Variants in MAD1L1 observed in about 807,000 individuals in gnomAD.
MAD1L1 encodes the protein mitotic spindle assembly checkpoint protein MAD1.
A neutral mutation model predicts 96.9 loss-of-function variants in MAD1L1; 95 were observed. The observed-to-expected ratio is 0.98, with a 90% CI of 0.83 to 1.16. The LOEUF (loss-of-function observed/expected upper bound fraction) is 1.16, where lower values mean the gene tolerates loss of function less well. MAD1L1 is among the 50% of genes most tolerant of loss of function. The pLI is 0.00. For missense variants in MAD1L1, 1,007 were observed against 954.4 expected, an observed-to-expected ratio of 1.06 and a Z score of -0.73; for synonymous variants, 473 against 396.6, an observed-to-expected ratio of 1.19 and a Z score of -2.29.
chr7:1,824,601 C>T (rs1211093131), intron 18 of MAD1L1, among the ~76,000 whole-genome samples: 1 of 152,294 alleles, frequency 6.6e-6, no homozygotes, highest in South Asian at 2.1e-4. Context: ...TGCCAGGCCC[C>T]GGAGCCCCCA....
intron 18 of MAD1L1, chr7:1,838,905 G>A (rs1250300973): frequency 3.8e-5 from 18 of 468,062 alleles, no homozygotes; most frequent in African/African-American, 1.6e-4. Context: ...ACCCTGGGGC[G>A]GGGAGGAGGC....
chr7:1,916,122 T>A (rs971241882), intron 17 of MAD1L1, among the ~76,000 whole-genome samples: 3 of 152,256 alleles, frequency 2.0e-5, no homozygotes, highest in Admixed American at 1.3e-4. Context: ...AGTGGGGCTG[T>A]GGTCAGAAAG....
At chr7:2,027,578 C>T (rs1003283468) in intron 12 of MAD1L1, among the ~76,000 whole-genome samples, 1 of 152,108 alleles carries the variant, frequency 6.6e-6, no homozygotes, top group African/African-American at 2.4e-5. Flanking sequence ...TGCGCATTAA[C>T]AAAATATAGA....
intron 17 of MAD1L1, among the ~76,000 whole-genome samples, chr7:1,906,422 C>G (rs1397828098): frequency 6.6e-6 from 1 of 152,342 alleles, no homozygotes; most frequent in African/African-American, 2.4e-5. Flanking sequence ...GCAGCTGCAT[C>G]TGGCCCTAGC....
At chr7:2,223,361 A>G (rs955977523) in intron 4 of MAD1L1, 1 of 152,262 alleles carries the variant, frequency 6.6e-6, no homozygotes, top group African/African-American at 2.4e-5. Flanking sequence ...ATGGGACATG[A>G]CCAAGCACCA....
chr7:1,887,861 A>ACGTGTGTGTGTCGCTGCCTGGG (rs138793674), intron 18 of MAD1L1, among the ~76,000 whole-genome samples: 3 of 132,146 alleles, frequency 2.3e-5, no homozygotes, highest in African/African-American at 8.7e-5. Flanking sequence ...GTGTGTGTGC[A>ACGTGTGTGTGTCGCTGCCTGGG]CGTGTGTGTG....
At chr7:2,087,104 G>A (rs989065661) in intron 11 of MAD1L1, among the ~76,000 whole-genome samples, 4 of 152,242 alleles carry the variant, frequency 2.6e-5, no homozygotes, top group Non-Finnish European at 5.9e-5. Flanking sequence ...TGGCGGCAGG[G>A]GAAGAGCGCT....
rs1381927510 is a variant in MAD1L1, at chr7:2,218,016, G to A, written c.624C>T (p.Ile208=). ...HKKCQEANQK[I]QELQASQEAR... Reference sequence around the variant, plus strand: ...CTTCTTGGCTGGCCTGGAGTTCCTGGATTTTCTGATTGGCTTCCTGGCATT... The same window carrying A: ...CTTCTTGGCTGGCCTGGAGTTCCTGAATTTTCTGATTGGCTTCCTGGCATT... Residue 208 remains isoleucine (I), a synonymous_variant, in exon 7 of 19, where the codon ATC becomes ATT. Coordinates refer to ENST00000265854, the MANE Select transcript of MAD1L1 (RefSeq NM_001013836.2). The A allele has an allele frequency of 3.1e-6, 5 of 1,613,986 alleles. No individual in the cohort carries two copies. Among genetic ancestry groups the A allele is most frequent in the Non-Finnish European group, 4.2e-6 (5 of 1,179,972 alleles).
intron 11 of MAD1L1, among the ~76,000 whole-genome samples, chr7:2,131,648 C>T (rs1788514532): frequency 6.6e-6 from 1 of 152,210 alleles, no homozygotes; most frequent in African/African-American, 2.4e-5. Flanking sequence ...CCAGCTGGGC[C>T]CCCAGGTTCT....
At chr7:2,069,561 G>C (rs1785030304) in intron 11 of MAD1L1, among the ~76,000 whole-genome samples, 2 of 152,238 alleles carry the variant, frequency 1.3e-5, no homozygotes, top group African/African-American at 4.8e-5. Flanking sequence ...ACGGCAGGGA[G>C]GGGGAAGGGA....
intron 11 of MAD1L1, among the ~76,000 whole-genome samples, chr7:2,123,989 G>A (rs1234547832): frequency 1.3e-5 from 2 of 152,228 alleles, no homozygotes; most frequent in East Asian, 3.8e-4. Context: ...GGCCCCGGGG[G>A]CAAGAACTCT....
chr7:1,915,046 G>A (rs1307792525), intron 17 of MAD1L1, among the ~76,000 whole-genome samples: 1 of 152,172 alleles, frequency 6.6e-6, no homozygotes, highest in African/African-American at 2.4e-5. Flanking sequence ...CAGAGCAGCA[G>A]GAACTGGGGT....
chr7:2,008,311 A>T (rs1175664197), intron 13 of MAD1L1, among the ~76,000 whole-genome samples: 1 of 152,138 alleles, frequency 6.6e-6, no homozygotes, highest in East Asian at 1.9e-4. Context: ...TCTGTGATGG[A>T]GGCAGTGGGT....
Position 1,839,631 on chromosome 7 carries a change from C to T in MAD1L1, c.1999-23403G>A, listed in dbSNP as rs188514364. Among the ~76,000 whole-genome samples, 264 of 152,304 alleles carry T rather than the reference C, an allele frequency of 1.7e-3. 5 individuals are homozygous for T. The highest frequency in any genetic ancestry group is 3.6e-3 in the Admixed American group (55 of 15,298). Reference sequence around the variant, plus strand: ...GAGTAACTTTCTAACAGTTTAAACGCGCGAGATGGGATGTGCAGGCTTGGG... The same window carrying T: ...GAGTAACTTTCTAACAGTTTAAACGTGCGAGATGGGATGTGCAGGCTTGGG... On this transcript the variant is annotated intron_variant, in intron 18 of 18. Coordinates refer to ENST00000265854, the MANE Select transcript of MAD1L1 (RefSeq NM_001013836.2).
intron 12 of MAD1L1, among the ~76,000 whole-genome samples, chr7:2,047,717 GCA>G (rs888903145): frequency 6.6e-6 from 1 of 152,168 alleles, no homozygotes; most frequent in South Asian, 2.1e-4. Flanking sequence ...TCAGACACAT[GCA>G]CACACAGAGC....
intron 18 of MAD1L1, among the ~76,000 whole-genome samples, chr7:1,879,864 G>A (rs1324222314): frequency 6.6e-6 from 1 of 152,128 alleles, no homozygotes; most frequent in African/African-American, 2.4e-5. Context: ...CCCAGTAGCT[G>A]GGACTACAGG....
intron 10 of MAD1L1, among the ~76,000 whole-genome samples, chr7:2,167,297 C>T (rs1790477932): frequency 6.6e-6 from 1 of 152,168 alleles, no homozygotes. Flanking sequence ...CCTGTAATCC[C>T]AGCACTTTGG....
chr7:2,136,782 G>C (rs751356433), intron 11 of MAD1L1, among the ~76,000 whole-genome samples: 1 of 152,172 alleles, frequency 6.6e-6, no homozygotes, highest in African/African-American at 2.4e-5. Flanking sequence ...TACTCCAATC[G>C]CCTGATGGCA....
At chr7:1,974,297 G>A (rs1005764901) in intron 15 of MAD1L1, among the ~76,000 whole-genome samples, 15 of 152,234 alleles carry the variant, frequency 9.9e-5, no homozygotes, top group African/African-American at 3.6e-4. Flanking sequence ...ACCCACCCTG[G>A]CACAGGCAGC....
Sources: allele counts gnomAD v4.1 joint callset (sites outside exome capture counted in the v4.1 genomes callset), GRCh38; gene constraint gnomAD v4.1.1; transcripts MANE v1.5; gene names NCBI Gene and HGNC (gene_info 2026-07-23, HGNC 2026-07-21).